Variants in ZNF14 observed in about 807,000 individuals in gnomAD.
ZNF14 encodes the protein zinc finger protein 14.
In ZNF14, 9 loss-of-function variants were observed where a neutral mutation model predicts 11.3. The observed-to-expected ratio is 0.80, with a 90% CI of 0.48 to 1.39. The LOEUF is 1.39. ZNF14 is among the 40% of genes most tolerant of loss of function. The pLI, the probability that ZNF14 is intolerant of heterozygous loss-of-function variation, is 0.00. For missense variants in ZNF14, 711 were observed against 763.9 expected (o/e 0.93, Z 0.82); for synonymous variants, 239 against 245.7 (o/e 0.97, Z 0.25).
At position 19,711,845 on chromosome 19, in the gene ZNF14, T is replaced by A. The variant is rs2062361537; in HGVS notation, c.1436A>T (p.Gln479Leu). 1 of 1,613,512 alleles carries A rather than the reference T, an allele frequency of 6.2e-7. No individual in the cohort carries two copies. Among genetic ancestry groups the A allele is most frequent in the African/African-American group, 1.3e-5 (1 of 75,020 alleles). Residue 479 changes from glutamine to leucine, a missense_variant, in exon 4 of 4, where the codon CAG (glutamine) becomes CTG (leucine). Gln to Leu is a moderately radical substitution (Grantham distance 113). Transcript: ENST00000344099. Reference sequence around the variant, plus strand: ...GGAACGAATGAAAACTTTTCCACACTGTTTACATTCATAGGGTTTCTCTCC... The same window carrying A: ...GGAACGAATGAAAACTTTTCCACACAGTTTACATTCATAGGGTTTCTCTCC... ...HTGEKPYECK[Q>L]CGKVFIRSSS...
intron 1 of ZNF14, among the ~76,000 whole-genome samples, chr19:19,730,551 A>C (rs1437520917): frequency 6.6e-6 from 1 of 152,220 alleles, no homozygotes; most frequent in East Asian, 1.9e-4. Context: ...TTGACGGTGA[A>C]AGACTGACTG....
chr19:19,711,503 C>A lies in ZNF14; in HGVS notation c.1778G>T (p.Gly593Val). ...GEKPYRCKQC[G>V]KAFRFSSSVR... ...AGAACTTGAAAATCTGAAGGCTTTC[C>A]CACATTGTTTACATCGATAGGGTTT... The change falls in exon 4 of 4, where the codon GGG becomes GTG. Residue 593 changes from glycine to valine, a missense_variant. Transcript: ENST00000344099. 1 of 1,613,804 alleles carries A rather than the reference C, an allele frequency of 6.2e-7. No individual in the cohort carries two copies. The highest frequency in any genetic ancestry group is 8.5e-7 in the Non-Finnish European group (1 of 1,179,916).
chr19:19,730,875 G>A (rs773589444), intron 1 of ZNF14, among the ~76,000 whole-genome samples: 4 of 152,154 alleles, frequency 2.6e-5, no homozygotes, highest in Admixed American at 2.0e-4. Context: ...TCACCCCATT[G>A]CACTCCAGCC....
chr19:19,731,863 C>T (rs1226522816), intron 1 of ZNF14, among the ~76,000 whole-genome samples: 8 of 152,094 alleles, frequency 5.3e-5, no homozygotes, highest in Non-Finnish European at 7.4e-5. Flanking sequence ...GTCAGGAGAT[C>T]GAGACCATCC....
At chr19:19,714,062 G>A (rs765539588) in intron 3 of ZNF14, 29 bp downstream of exon 3, 2 of 1,603,658 alleles carry the variant, frequency 1.2e-6, no homozygotes, top group South Asian at 2.2e-5. Context: ...TCCCCCACGG[G>A]CCACTATTTT....
In ZNF14 at chr19:19,711,810, G is replaced by A. The variant is rs199701733; in HGVS notation, c.1471C>T (p.Arg491Ter). 213 of 1,613,446 alleles carry A rather than the reference G, an allele frequency of 1.3e-4. No homozygotes were observed. Among genetic ancestry groups the A allele is most frequent in the East Asian group, 4.7e-4 (21 of 44,856 alleles). Reference sequence around the variant, plus strand: ...CCAGTGTGTGTTCTTTCATGCAGTCGAAAGGAACTGGAACGAATGAAAACT... The same window carrying A: ...CCAGTGTGTGTTCTTTCATGCAGTCAAAAGGAACTGGAACGAATGAAAACT... ...GKVFIRSSSF[R>*]LHERTHTGEK... The change falls in exon 4 of 4, where the codon CGA becomes TGA. Residue 491 changes from arginine to a stop codon, truncating the protein, a stop_gained. Coordinates refer to ENST00000344099, the MANE Select transcript of ZNF14 (RefSeq NM_021030.3). LOFTEE classifies it low-confidence loss of function (END_TRUNC).
At chr19:19,730,629 C>T (rs1249006886) in intron 1 of ZNF14, among the ~76,000 whole-genome samples, 1 of 152,126 alleles carries the variant, frequency 6.6e-6, no homozygotes. Flanking sequence ...AAATCCAATA[C>T]AGGCCGGGCG....
intron 3 of ZNF14, among the ~76,000 whole-genome samples, chr19:19,713,781 C>G: frequency 7.1e-6 from 1 of 140,756 alleles, no homozygotes. Flanking sequence ...TGAGGTCTTG[C>G]TATATTACCC....
rs188190459 is a variant in ZNF14 at position 19,724,310 on chromosome 19, T to C, written c.3+8646A>G. ...TTGTTCTCACTGGTTTCAAAGAACA[T>C]GTTTATTTCTGCCTTCATTTCGTTA... On this transcript the variant is annotated intron_variant, in intron 1 of 3. Coordinates refer to ENST00000344099, the MANE Select transcript of ZNF14 (RefSeq NM_021030.3). 7.5e-3 allele frequency among the ~76,000 whole-genome samples: 1,001 copies of C among 133,936 alleles called. 216 individuals are homozygous for C. Among genetic ancestry groups the C allele is most frequent in the Non-Finnish European group, 0.012 (719 of 60,198 alleles). 87.9% of individuals were successfully genotyped at this position (133,936 alleles called of 152,430 possible).
At chr19:19,723,205 G>T (rs1489925986) in intron 1 of ZNF14, among the ~76,000 whole-genome samples, 5 of 152,230 alleles carry the variant, frequency 3.3e-5, no homozygotes, top group African/African-American at 1.2e-4. Context: ...TATGATATTG[G>T]CTGTGGGTTT....
intron 1 of ZNF14, among the ~76,000 whole-genome samples, chr19:19,722,786 T>G (rs534555284): frequency 6.6e-6 from 1 of 152,342 alleles, no homozygotes; most frequent in Non-Finnish European, 1.5e-5. Context: ...ATAGTTCTCC[T>G]TGAAGAGGTC....
rs1254332437 is a variant in ZNF14, at chr19:19,711,964, C to T, written c.1317G>A (p.Arg439=). The change falls in exon 4 of 4, where the codon AGG becomes AGA. Residue 439 remains arginine (R), a synonymous_variant. Coordinates refer to ENST00000344099, the MANE Select transcript of ZNF14 (RefSeq NM_021030.3). ...SFSSSLQRHE[R]THNAEKPYEC... is the part of the protein sequence containing the mutation. ...CATAGGGTTTCTCTGCATTGTGAGT[C>T]CTTTCATGTCTTTGAAGGGAACTTG... The T allele has an allele frequency of 6.2e-7, 1 of 1,610,824 alleles. No individual in the cohort carries two copies. The highest frequency in any genetic ancestry group is 1.4e-5 in the African/African-American group (1 of 73,726).
chr19:19,720,465 C>T lies in ZNF14; in HGVS notation c.4-5978G>A, dbSNP rs986714336. On this transcript the variant is annotated intron_variant, in intron 1 of 3. Coordinates refer to ENST00000344099, the MANE Select transcript of ZNF14 (RefSeq NM_021030.3). The surrounding 1 kb of genome is among the most constrained non-coding windows in gnomAD (Gnocchi z 4.1). The stretch of plus-strand genomic sequence containing the variant: ...AAGTAATTCTCCTGCCTCAGCTTTC[C>T]GAGTAACTTAAATAACAGGCGCCTG... Among the ~76,000 whole-genome samples the T allele has an allele frequency of 9.2e-5, 14 of 151,908 alleles. No homozygotes were observed. Among genetic ancestry groups the T allele is most frequent in the African/African-American group, 2.7e-4 (11 of 41,334 alleles).
At chr19:19,714,962 G>A (rs540864927) in intron 1 of ZNF14, among the ~76,000 whole-genome samples, 10 of 151,938 alleles carry the variant, frequency 6.6e-5, no homozygotes, top group Middle Eastern at 3.4e-3. Context: ...TGCCCGCCTC[G>A]GCCTCCCAAA....
At chr19:19,732,711 G>A (rs1230723572) in intron 1 of ZNF14, among the ~76,000 whole-genome samples, 1 of 152,222 alleles carries the variant, frequency 6.6e-6, no homozygotes, top group African/African-American at 2.4e-5. Context: ...GCGGGGCTGC[G>A]GGCGCAGAGC....
intron 1 of ZNF14, among the ~76,000 whole-genome samples, chr19:19,730,152 T>C (rs2145107256): frequency 6.6e-6 from 1 of 152,198 alleles, no homozygotes; most frequent in African/African-American, 2.4e-5. Flanking sequence ...ACCTCCTGAG[T>C]AGCTGAGATT....
chr19:19,712,559 T>C lies in ZNF14; in HGVS notation c.722A>G (p.His241Arg), dbSNP rs1222915858. 8.7e-6 allele frequency: 14 copies of C among 1,613,184 alleles called. No homozygotes were observed. The highest frequency in any genetic ancestry group is 1.1e-5 in the South Asian group (1 of 90,852). ...TTTCTCTCCAGTGTGAGTCCTTTTG[T>C]GTCTTTGAAAAGATTGGTAACATAT... ...AFICYQSFQR[H>R]KRTHTGEKPY... The change falls in exon 4 of 4, where the codon CAC (histidine) becomes CGC (arginine). Residue 241 changes from histidine to arginine, a missense_variant. Transcript: ENST00000344099.
chr19:19,726,675 C>T lies in ZNF14; in HGVS notation c.3+6281G>A, dbSNP rs535058252. ...CTGCCTTTTGTTCAGCTATGCCCTGCCCCCAGAGGTGGAGTCTACAGAGGC... is the reference window on the plus strand; with the variant it reads ...CTGCCTTTTGTTCAGCTATGCCCTGTCCCCAGAGGTGGAGTCTACAGAGGC... On this transcript the variant is annotated intron_variant, in intron 1 of 3. Coordinates refer to ENST00000344099, the MANE Select transcript of ZNF14 (RefSeq NM_021030.3). 2.2e-5 allele frequency among the ~76,000 whole-genome samples: 3 copies of T among 133,956 alleles called. 1 individual carries two copies. Among genetic ancestry groups the T allele is most frequent in the South Asian group, 4.9e-4 (2 of 4,118 alleles). The allele number at this position is 133,956 out of a possible 152,430, so 87.9% of individuals were successfully genotyped here. A position where few individuals can be genotyped will look rare whatever the true frequency, so the allele number is the denominator to read the frequency against.
chr19:19,714,643 C>T (rs1169556940), intron 1 of ZNF14, among the ~76,000 whole-genome samples, 156 bp from the exon 2 acceptor site: 1 of 151,964 alleles, frequency 6.6e-6, no homozygotes, highest in Non-Finnish European at 1.5e-5. Context: ...CACTGACTTC[C>T]TCATAAAATT....
Sources: gnomAD v4.1 joint callset for allele counts (sites outside exome capture counted in the v4.1 genomes callset) on GRCh38, gnomAD v4.1.1 for gene constraint, Gnocchi (gnomAD v3.1) non-coding constraint, MANE v1.5 for transcripts, NCBI Gene and HGNC (gene_info 2026-07-23, HGNC 2026-07-21) for gene names.